Variants in SLC9B1 observed in about 807,000 individuals in gnomAD.
SLC9B1 encodes solute carrier family 9 member B1.
Under a neutral mutation model 51.7 loss-of-function variants are expected in SLC9B1, and 32 were observed. That is an observed-to-expected ratio of 0.62 (90% confidence interval 0.47 to 0.83). The LOEUF (loss-of-function observed/expected upper bound fraction) is 0.83, where lower values mean the gene tolerates loss of function less well. SLC9B1 is among the 40% of genes least tolerant of loss of function. SLC9B1 has a pLI of 0.00. For missense variants in SLC9B1, 406 were observed against 613.2 expected (o/e 0.66, Z 3.57); for synonymous variants, 145 against 212.7 (o/e 0.68, Z 2.77).
chr4:102,990,275 T>A (rs1308533189), intron 2 of SLC9B1, among the ~76,000 whole-genome samples: 1 of 152,034 alleles, frequency 6.6e-6, no homozygotes, highest in African/African-American at 2.4e-5. Context: ...ACCAAAACTT[T>A]TGTGAAATGA....
intron 7 of SLC9B1, 68 bp from the exon 8 acceptor site, chr4:102,911,605 G>T: frequency 3.2e-6 from 3 of 930,804 alleles, no homozygotes; most frequent in Non-Finnish European, 3.3e-6. Flanking sequence ...CATCAGAAAA[G>T]CAAATCTAGG....
chr4:102,950,603 C>T (rs183872334), intron 3 of SLC9B1, among the ~76,000 whole-genome samples: 1 of 152,292 alleles, frequency 6.6e-6, no homozygotes, highest in Non-Finnish European at 1.5e-5. Context: ...TGACTCACTC[C>T]AGGCAGAAAG....
At chr4:102,978,800 A>C (rs1473820240) in intron 3 of SLC9B1, among the ~76,000 whole-genome samples, 1 of 152,232 alleles carries the variant, frequency 6.6e-6, no homozygotes, top group Non-Finnish European at 1.5e-5. Context: ...TTGACCCGGC[A>C]ATCCCATTAC....
chr4:102,950,052 A>T (rs939504287), intron 3 of SLC9B1, among the ~76,000 whole-genome samples: 2 of 152,200 alleles, frequency 1.3e-5, no homozygotes, highest in Admixed American at 1.3e-4. Context: ...CATCATGGCA[A>T]TATGATGAGA....
At chr4:102,972,490 C>T (rs1002593740) in intron 3 of SLC9B1, among the ~76,000 whole-genome samples, 1 of 152,142 alleles carries the variant, frequency 6.6e-6, no homozygotes, top group African/African-American at 2.4e-5. Context: ...AGGTGATCTG[C>T]TCGCCTCGGC....
At position 102,910,478 on chromosome 4, in the gene SLC9B1, C is replaced by G; in HGVS notation, c.1047G>C (p.Val349=). 3 of 1,563,428 alleles carry G rather than the reference C, an allele frequency of 1.9e-6. No individual in the cohort carries two copies. The highest frequency in any genetic ancestry group is 2.6e-6 in the Non-Finnish European group (3 of 1,160,750). Residue 349 remains valine (V), a synonymous_variant, in exon 9 of 12, where the codon GTG becomes GTC. Coordinates refer to ENST00000296422, the MANE Select transcript of SLC9B1 (RefSeq NM_139173.4). ...LHGSGGLCTL[V]LSFIAGTKWS... The stretch of plus-strand genomic sequence containing the variant: ...ATTTTGTCCCTGCAATGAAACTCAA[C>G]ACTAGTGTGCATAATCCTCCAGATC...
intron 11 of SLC9B1, among the ~76,000 whole-genome samples, chr4:102,895,007 T>C (rs568132982): frequency 6.6e-6 from 1 of 152,238 alleles, no homozygotes; most frequent in Non-Finnish European, 1.5e-5. Context: ...CACATTAGAA[T>C]CACAAAAGCA....
chr4:102,971,693 T>C (rs1738768866), intron 3 of SLC9B1, among the ~76,000 whole-genome samples: 1 of 152,038 alleles, frequency 6.6e-6, no homozygotes, highest in African/African-American at 2.4e-5. Flanking sequence ...AATCAATGCA[T>C]CCAGGAGCTG....
intron 3 of SLC9B1, among the ~76,000 whole-genome samples, chr4:102,968,487 T>C (rs1738551287): frequency 6.6e-6 from 1 of 152,194 alleles, no homozygotes. Context: ...GAAAAACTGG[T>C]AAATTGGACT....
chr4:102,900,737 A>G (rs938510558), downstream of SLC9B1, among the ~76,000 whole-genome samples: 4 of 152,122 alleles, frequency 2.6e-5, no homozygotes, highest in African/African-American at 7.2e-5. Context: ...TACTCCTTCT[A>G]TTTGGAAACT....
intron 3 of SLC9B1, among the ~76,000 whole-genome samples, chr4:102,969,046 TGGA>T (rs1738596440): frequency 6.6e-6 from 1 of 152,192 alleles, no homozygotes; most frequent in Non-Finnish European, 1.5e-5. Context: ...TCGAACTGGG[TGGA>T]GCTCACTGCA....
intron 1 of SLC9B1, among the ~76,000 whole-genome samples, chr4:103,001,652 A>C (rs1300190337): frequency 6.6e-6 from 1 of 152,108 alleles, no homozygotes; most frequent in Non-Finnish European, 1.5e-5. Context: ...TTTGATCAAA[A>C]CCATTCAACA....
At chr4:102,947,465 C>T (rs1737325763) in intron 4 of SLC9B1, among the ~76,000 whole-genome samples, 1 of 152,150 alleles carries the variant, frequency 6.6e-6, no homozygotes, top group African/African-American at 2.4e-5. Context: ...GGCTTAACCT[C>T]CTGAGCTCAA....
intron 1 of SLC9B1, among the ~76,000 whole-genome samples, chr4:102,994,623 C>T: frequency 6.6e-6 from 1 of 152,110 alleles, no homozygotes. Flanking sequence ...TTTCACGCTA[C>T]TACAAAGAAA....
intron 3 of SLC9B1, among the ~76,000 whole-genome samples, chr4:102,989,114 T>G (rs1191607547): frequency 1.3e-5 from 2 of 151,416 alleles, no homozygotes; most frequent in Non-Finnish European, 1.5e-5. Context: ...ATGAAAAAAA[T>G]CAATGAATAA....
chr4:102,978,153 G>T (rs1739172655), intron 3 of SLC9B1, among the ~76,000 whole-genome samples: 2 of 152,078 alleles, frequency 1.3e-5, no homozygotes, highest in South Asian at 4.1e-4. Context: ...ATTTTTTATG[G>T]CTGCATAGTA....
intron 7 of SLC9B1, among the ~76,000 whole-genome samples, chr4:102,924,951 TTGG>T (rs1388051821): frequency 7.2e-5 from 11 of 152,324 alleles, no homozygotes; most frequent in African/African-American, 2.6e-4. Flanking sequence ...TTTTACACTG[TTGG>T]TGGGAGTGTA....
At chr4:102,905,038 T>C (rs1478391403) in intron 11 of SLC9B1, among the ~76,000 whole-genome samples, 1 of 151,410 alleles carries the variant, frequency 6.6e-6, no homozygotes, top group Non-Finnish European at 1.5e-5. Flanking sequence ...CCTGTGATCC[T>C]AGCTACTCAG....
chr4:102,948,295 TCA>T (rs1255369782), intron 4 of SLC9B1, among the ~76,000 whole-genome samples: 1 of 148,726 alleles, frequency 6.7e-6, no homozygotes, highest in Non-Finnish European at 1.5e-5. Context: ...GAATCTAGTA[TCA>T]CAGTTATACC....
Sources: gnomAD v4.1 joint callset for allele counts (sites outside exome capture counted in the v4.1 genomes callset) on GRCh38, gnomAD v4.1.1 for gene constraint, MANE v1.5 for transcripts, NCBI Gene and HGNC (gene_info 2026-07-23, HGNC 2026-07-21) for gene names.